The following PACRG variants were observed in gnomAD, a reference collection of about 807,000 sequenced individuals.
PACRG encodes the protein parkin coregulated gene protein.
Under a neutral mutation model 29.7 loss-of-function variants are expected in PACRG, and 29 were observed. The ratio of observed to expected loss-of-function variants is 0.98; its 90% CI spans 0.73 to 1.33. The LOEUF (loss-of-function observed/expected upper bound fraction) is 1.33, where lower values mean the gene tolerates loss of function less well. PACRG is among the 40% of genes most tolerant of loss of function. The probability of loss-of-function intolerance (pLI) is 0.00; values close to 1 mark genes in which losing one functional copy is unlikely to be tolerated. For missense variants in PACRG, 279 were observed against 316.2 expected (o/e 0.88, Z 0.89); for synonymous variants, 116 against 118.7 (o/e 0.98, Z 0.15).
chr6:162,775,940 G>C (rs1010116310), intron 1 of PACRG, among the ~76,000 whole-genome samples: 1 of 152,114 alleles, frequency 6.6e-6, no homozygotes, highest in Admixed American at 6.5e-5. Flanking sequence ...TAAGCTCAAA[G>C]GTAGATATAG....
chr6:163,094,505 G>A (rs923268475), intron 4 of PACRG, among the ~76,000 whole-genome samples: 4 of 152,150 alleles, frequency 2.6e-5, no homozygotes, highest in South Asian at 2.1e-4. Context: ...AGAATCCTGG[G>A]ATTATAAAGT....
intron 2 of PACRG, chr6:163,054,203 TG>T (rs1398120737): frequency 6.6e-6 from 1 of 152,166 alleles, no homozygotes; most frequent in African/African-American, 2.4e-5. Flanking sequence ...AGATGGGGCC[TG>T]TATGGAGGTA....
intron 1 of PACRG, among the ~76,000 whole-genome samples, chr6:162,807,033 G>C (rs1328955578): frequency 1.3e-5 from 2 of 152,220 alleles, no homozygotes; most frequent in Non-Finnish European, 2.9e-5. Context: ...AATTTATGGA[G>C]ATGGTTTCTT....
chr6:162,774,083 C>T (rs1783452200), intron 1 of PACRG, among the ~76,000 whole-genome samples: 1 of 152,188 alleles, frequency 6.6e-6, no homozygotes, highest in South Asian at 2.1e-4. Context: ...TTTACTCCCA[C>T]ATTACATGCA....
At chr6:162,891,003 G>C (rs1794713756) in intron 2 of PACRG, among the ~76,000 whole-genome samples, 1 of 152,156 alleles carries the variant, frequency 6.6e-6, no homozygotes, top group Admixed American at 6.5e-5. Context: ...GCTTATGATG[G>C]GGTCTTGCTA....
intron 2 of PACRG, among the ~76,000 whole-genome samples, chr6:163,019,796 G>C (rs1219677911): frequency 6.6e-6 from 1 of 152,164 alleles, no homozygotes; most frequent in African/African-American, 2.4e-5. Flanking sequence ...TGCTTTACCT[G>C]TCTGTGTTAA....
At chr6:163,234,347 C>A (rs1282234101) in intron 4 of PACRG, among the ~76,000 whole-genome samples, 1 of 152,084 alleles carries the variant, frequency 6.6e-6, no homozygotes, top group Non-Finnish European at 1.5e-5. Flanking sequence ...TTAGTTCCTG[C>A]AGAAACTGGT....
chr6:162,849,741 G>A (rs548758112), intron 2 of PACRG, among the ~76,000 whole-genome samples: 3 of 152,130 alleles, frequency 2.0e-5, no homozygotes, highest in Non-Finnish European at 4.4e-5. Flanking sequence ...ACTATAACTT[G>A]TAAGTTTTCG....
intron 4 of PACRG, among the ~76,000 whole-genome samples, chr6:163,196,260 C>A (rs140178037): frequency 6.6e-6 from 1 of 152,244 alleles, no homozygotes; most frequent in African/African-American, 2.4e-5. Flanking sequence ...TCACGGACAG[C>A]GCCCAACAGC....
At chr6:162,761,882 A>G (rs1169705450) in intron 1 of PACRG, among the ~76,000 whole-genome samples, 1 of 144,722 alleles carries the variant, frequency 6.9e-6, no homozygotes, top group Non-Finnish European at 1.5e-5. Flanking sequence ...GGTTGCAGTG[A>G]GCCGAGATAG....
chr6:162,849,789 T>C (rs576127616), intron 2 of PACRG, among the ~76,000 whole-genome samples: 4 of 152,358 alleles, frequency 2.6e-5, no homozygotes, highest in African/African-American at 9.6e-5. Context: ...AGATTTAAAA[T>C]ATCTCAAAGA....
At chr6:162,903,608 G>A (rs999841246) in intron 2 of PACRG, among the ~76,000 whole-genome samples, 1 of 152,130 alleles carries the variant, frequency 6.6e-6, no homozygotes, top group Non-Finnish European at 1.5e-5. Flanking sequence ...CAGTATGGGG[G>A]AAACTGCCCC....
chr6:162,933,048 A>G (rs575820823), intron 2 of PACRG, among the ~76,000 whole-genome samples: 2 of 151,856 alleles, frequency 1.3e-5, no homozygotes, highest in African/African-American at 4.8e-5. Context: ...ATGATTTGGT[A>G]TATGTTTAGT....
chr6:162,978,834 T>C (rs1259112308), intron 2 of PACRG, among the ~76,000 whole-genome samples: 3 of 152,176 alleles, frequency 2.0e-5, no homozygotes, highest in Non-Finnish European at 4.4e-5. Context: ...AAATGCTTTG[T>C]TGAACTAAGC....
At chr6:162,931,586 T>C (rs1701796957) in intron 2 of PACRG, among the ~76,000 whole-genome samples, 1 of 152,010 alleles carries the variant, frequency 6.6e-6, no homozygotes, top group Admixed American at 6.6e-5. Flanking sequence ...CCTTCTTCCA[T>C]TGGATTGCCT....
chr6:163,313,949 A>C (rs1785542036), intron 4 of PACRG: 1 of 152,212 alleles, frequency 6.6e-6, no homozygotes, highest in African/African-American at 2.4e-5. Context: ...CATTTTTGTC[A>C]GACTCCCTCA....
At chr6:162,930,769 A>G (rs779883129) in intron 2 of PACRG, among the ~76,000 whole-genome samples, 20 of 151,772 alleles carry the variant, frequency 1.3e-4, no homozygotes, top group Non-Finnish European at 2.5e-4. Context: ...ATTTTTCTAT[A>G]CCAGTGTGTT....
At chr6:163,037,153 C>T (rs1224355802) in intron 2 of PACRG, among the ~76,000 whole-genome samples, 3 of 152,172 alleles carry the variant, frequency 2.0e-5, no homozygotes, top group Admixed American at 1.3e-4. Flanking sequence ...ATTGCATCTC[C>T]ACTCATGAAA....
Position 163,218,507 on chromosome 6 carries a change from G to A in PACRG, c.614-96320G>A, listed in dbSNP as rs575368246. On this transcript the variant is annotated intron_variant, in intron 4 of 4. Coordinates refer to ENST00000366888, the MANE Select transcript of PACRG (RefSeq NM_001080379.2). ...TGGCCACGTCCTCAACACTGACCCC[G>A]TCCCCTCTGCAACCCACTCCAGTTA... is the stretch of plus-strand genomic sequence containing the variant. 2.0e-4 allele frequency among the ~76,000 whole-genome samples: 31 copies of A among 152,160 alleles called. 1 individual carries two copies. The highest frequency in any genetic ancestry group is 6.0e-4 in the African/African-American group (25 of 41,510).
Sources: allele counts gnomAD v4.1 joint callset (sites outside exome capture counted in the v4.1 genomes callset), GRCh38; gene constraint gnomAD v4.1.1; transcripts MANE v1.5; gene names NCBI Gene and HGNC (gene_info 2026-07-23, HGNC 2026-07-21).